ACOT13: variants seen among roughly 807,000 people sequenced by gnomAD.
ACOT13 encodes the protein acyl-coenzyme A thioesterase 13.
ACOT13 carries 10 observed loss-of-function variants against 11.8 expected under a neutral mutation model. The observed-to-expected ratio is 0.85, with a 90% CI of 0.53 to 1.44. The LOEUF is 1.44. ACOT13 is among the 40% of genes most tolerant of loss of function. The probability of loss-of-function intolerance (pLI) is 0.00; values close to 1 mark genes in which losing one functional copy is unlikely to be tolerated. For missense variants in ACOT13, 172 were observed against 174.1 expected, an observed-to-expected ratio of 0.99 and a Z score of 0.07; for synonymous variants, 53 against 61.0, an observed-to-expected ratio of 0.87 and a Z score of 0.61.
chr6:24,669,231 TGCGTTTTAG>T (rs1778319127), intron 1 of ACOT13, among the ~76,000 whole-genome samples: 2 of 152,206 alleles, frequency 1.3e-5, no homozygotes. Context: ...CTTGGTTTTA[TGCGTTTTAG>T]GGACATATAA....
At chr6:24,689,592 T>C (rs1778691045) in intron 1 of ACOT13, among the ~76,000 whole-genome samples, 1 of 152,178 alleles carries the variant, frequency 6.6e-6, no homozygotes, top group South Asian at 2.1e-4. Context: ...AAAAACACCC[T>C]TTAAGAAAAT....
chr6:24,687,326 T>C (rs1778648234), intron 1 of ACOT13: 1 of 645,712 alleles, frequency 1.5e-6, no homozygotes, highest in African/African-American at 1.9e-5. Context: ...ATTAAAACTT[T>C]TGAGTAGTTC....
At chr6:24,690,344 T>C (rs1464073939) in intron 1 of ACOT13, among the ~76,000 whole-genome samples, 3 of 152,186 alleles carry the variant, frequency 2.0e-5, no homozygotes, top group African/African-American at 7.2e-5. Context: ...GAAGACAGGA[T>C]AAGAAAGGCT....
intron 1 of ACOT13, among the ~76,000 whole-genome samples, chr6:24,683,671 C>A (rs1035952450): frequency 7.7e-6 from 1 of 130,418 alleles, no homozygotes; most frequent in South Asian, 2.3e-4. Context: ...AACATTGGTT[C>A]GGTCTGGAAA....
chr6:24,691,891 A>C (rs924776433), intron 1 of ACOT13, among the ~76,000 whole-genome samples: 1 of 152,248 alleles, frequency 6.6e-6, no homozygotes, highest in African/African-American at 2.4e-5. Flanking sequence ...ATCTGAACAT[A>C]AAGTCAAGGA....
intron 1 of ACOT13, among the ~76,000 whole-genome samples, chr6:24,681,990 G>A (rs1367391894): frequency 6.6e-6 from 1 of 152,206 alleles, no homozygotes; most frequent in African/African-American, 2.4e-5. Flanking sequence ...CTAATGCCGG[G>A]AGTTCTGGAC....
At chr6:24,668,216 G>A (rs1026630306) in intron 1 of ACOT13, among the ~76,000 whole-genome samples, 9 of 150,920 alleles carry the variant, frequency 6.0e-5, no homozygotes, top group African/African-American at 2.2e-4. Flanking sequence ...CCTTGAAGGT[G>A]TTTGTTGTTG....
In ACOT13 at chr6:24,682,660, T is replaced by C. The variant is rs545142379; in HGVS notation, c.82-15223T>C. On this transcript the variant is annotated intron_variant, in intron 1 of 2. Coordinates refer to ENST00000230048, the MANE Select transcript of ACOT13 (RefSeq NM_018473.4). ...CTGGATCCGGAGGGATGGGAGTCAG[T>C]GGTGGGTCTGCAGTGGCAGGTCTGC... 7.5e-4 allele frequency among the ~76,000 whole-genome samples: 112 copies of C among 150,282 alleles called. 1 individual carries two copies. Among genetic ancestry groups the C allele is most frequent in the Middle Eastern group, 3.4e-3 (1 of 294 alleles).
chr6:24,689,869 C>T (rs965793172), intron 1 of ACOT13, among the ~76,000 whole-genome samples: 1 of 152,124 alleles, frequency 6.6e-6, no homozygotes, highest in East Asian at 1.9e-4. Context: ...CATAAACTCA[C>T]AGCAAATATA....
At chr6:24,691,668 G>A (rs778859379) in intron 1 of ACOT13, among the ~76,000 whole-genome samples, 2 of 152,108 alleles carry the variant, frequency 1.3e-5, no homozygotes, top group Non-Finnish European at 2.9e-5. Context: ...GAATACTGAA[G>A]GAGGAGAGTG....
At chr6:24,674,849 T>G (rs1778425010) in intron 1 of ACOT13, among the ~76,000 whole-genome samples, 1 of 151,654 alleles carries the variant, frequency 6.6e-6, no homozygotes, top group African/African-American at 2.4e-5. Flanking sequence ...ATCATTTACA[T>G]TAGGTATATC....
chr6:24,681,180 T>C, intron 1 of ACOT13, among the ~76,000 whole-genome samples: 1 of 60,774 alleles, frequency 1.6e-5, no homozygotes. Context: ...AGCTACCTTT[T>C]TGCTTTTTTT....
intron 1 of ACOT13, among the ~76,000 whole-genome samples, chr6:24,690,903 C>T (rs1402526991): frequency 6.6e-6 from 1 of 152,232 alleles, no homozygotes; most frequent in Non-Finnish European, 1.5e-5. Flanking sequence ...CCTGCTATCT[C>T]TGAGAAGGCT....
intron 1 of ACOT13, among the ~76,000 whole-genome samples, chr6:24,672,336 C>T (rs1161056972): frequency 6.6e-6 from 1 of 152,178 alleles, no homozygotes; most frequent in African/African-American, 2.4e-5. Context: ...AAATTTTAAA[C>T]TTGACCATAA....
chr6:24,700,668 T>G (rs1409288749), intron 2 of ACOT13, among the ~76,000 whole-genome samples: 1 of 152,090 alleles, frequency 6.6e-6, no homozygotes, highest in Non-Finnish European at 1.5e-5. Flanking sequence ...ACTCCTGCCC[T>G]CAGGTGATCT....
intron 1 of ACOT13, chr6:24,687,504 G>A: frequency 1.5e-6 from 2 of 1,374,382 alleles, no homozygotes; most frequent in Non-Finnish European, 1.9e-6. Flanking sequence ...AAATAAGGAA[G>A]TGGAATTCCA....
rs545035137 is a variant in ACOT13, at chr6:24,697,969, C to T, written c.168C>T (p.His56=). ...ATACCAATGCAATAGGCACTCTCCA[C>T]GGCGGTTTGACAGCCACGTTAGTAG... ...EEHTNAIGTL[H]GGLTATLVDN... The change falls in exon 2 of 3, where the codon CAC becomes CAT. Residue 56 remains histidine (H), a synonymous_variant. Transcript: ENST00000230048. 12 of 1,613,930 alleles carry T rather than the reference C, an allele frequency of 7.4e-6. No individual in the cohort carries two copies. Among genetic ancestry groups the T allele is most frequent in the Admixed American group, 5.0e-5 (3 of 59,962 alleles).
chr6:24,694,189 A>G (rs1360491028), intron 1 of ACOT13, among the ~76,000 whole-genome samples: 1 of 152,202 alleles, frequency 6.6e-6, no homozygotes, highest in Non-Finnish European at 1.5e-5. Context: ...ACCTACTGCA[A>G]TTGTCCAACC....
At position 24,701,480 on chromosome 6, in the gene ACOT13, A is replaced by C. The variant is rs769776377; in HGVS notation, c.288A>C (p.Leu96Phe). ...CAAGGTACATGTCACCTGCAAAATTAGGAGAAGATATAGTGATTACAGCAC... is the reference window on the plus strand; with the variant it reads ...CAAGGTACATGTCACCTGCAAAATTCGGAGAAGATATAGTGATTACAGCAC... ...MNITYMSPAK[L>F]GEDIVITAHV... is the part of the protein sequence containing the mutation. Residue 96 changes from leucine (L) to phenylalanine (F), a missense_variant, in exon 3 of 3, where the codon TTA becomes TTC. Leu to Phe is a conservative substitution (Grantham distance 22, BLOSUM62 0). Coordinates refer to ENST00000230048, the MANE Select transcript of ACOT13 (RefSeq NM_018473.4). The C allele has an allele frequency of 6.2e-7, 1 of 1,608,224 alleles. No individual in the cohort carries two copies. The highest frequency in any genetic ancestry group is 8.5e-7 in the Non-Finnish European group (1 of 1,176,962).
Sources: allele counts gnomAD v4.1 joint callset (sites outside exome capture counted in the v4.1 genomes callset), GRCh38; gene constraint gnomAD v4.1.1; transcripts MANE v1.5; gene names NCBI Gene and HGNC (gene_info 2026-07-23, HGNC 2026-07-21).